Variants in STOML3 observed in about 807,000 individuals in gnomAD.
STOML3 encodes the protein stomatin like 3.
Under a neutral mutation model 29.5 loss-of-function variants are expected in STOML3, and 31 were observed. The ratio of observed to expected loss-of-function variants is 1.05; its 90% confidence interval spans 0.79 to 1.42. The LOEUF (loss-of-function observed/expected upper bound fraction) is 1.42. Among genes scored for constraint, STOML3 ranks in the 40% most tolerant of loss-of-function variants. STOML3 has a pLI of 0.00. For missense variants in STOML3, 380 were observed against 363.0 expected (o/e 1.05, Z -0.38); for synonymous variants, 122 against 139.8 (o/e 0.87, Z 0.90).
intron 3 of STOML3, among the ~76,000 whole-genome samples, chr13:38,975,579 C>G (rs1420124114): frequency 6.6e-6 from 1 of 152,046 alleles, no homozygotes; most frequent in East Asian, 1.9e-4. Context: ...TAGCTAGTAA[C>G]AATTGCTTTT....
intron 6 of STOML3, among the ~76,000 whole-genome samples, chr13:38,968,158 G>A (rs777156924): frequency 3.3e-4 from 50 of 152,060 alleles, no homozygotes; most frequent in Non-Finnish European, 6.2e-4. Context: ...GGACCTACTT[G>A]GCTAAGTTGC....
At position 38,970,315 on chromosome 13, in the gene STOML3, G is replaced by A. The variant is rs746335980; in HGVS notation, c.386C>T (p.Ala129Val). Reference protein sequence around the residue: ...VYYRIYSAVSAVANVNDVHQA... With the variant: ...VYYRIYSAVSVVANVNDVHQA... ...ATGGACATCGTTGACATTAGCCACT[G>A]CTGAGACAGCACTATAGATTCTGTA... The change falls in exon 5 of 7, where the codon GCA becomes GTA. Residue 129 changes from alanine to valine, a missense_variant. Physicochemically the swap from Ala to Val is moderately conservative, Grantham distance 64. Coordinates refer to ENST00000379631, the MANE Select transcript of STOML3 (RefSeq NM_145286.3). 9.9e-6 allele frequency: 16 copies of A among 1,614,172 alleles called. No homozygotes were observed. The East Asian group carries it at 3.6e-4, about 36-fold the overall frequency.
intron 1 of STOML3, chr13:38,980,119 A>G (rs780258325): frequency 6.4e-7 from 1 of 1,551,548 alleles, no homozygotes; most frequent in African/African-American, 1.4e-5. Context: ...GCTCAGCTCC[A>G]TTAGGTAATA....
chr13:38,990,392 A>G (rs1221747242), intron 1 of STOML3, among the ~76,000 whole-genome samples: 1 of 152,184 alleles, frequency 6.6e-6, no homozygotes, highest in African/African-American at 2.4e-5. Context: ...CAATGAATTC[A>G]AAATCCTGAG....
intron 1 of STOML3, among the ~76,000 whole-genome samples, chr13:38,984,477 C>T (rs1418171352): frequency 2.0e-5 from 3 of 152,116 alleles, no homozygotes; most frequent in South Asian, 2.1e-4. Flanking sequence ...ACCATATATA[C>T]GATGGTGGTC....
At chr13:38,983,812 T>C (rs1009191932) in intron 1 of STOML3, among the ~76,000 whole-genome samples, 10 of 152,204 alleles carry the variant, frequency 6.6e-5, no homozygotes, top group Non-Finnish European at 1.5e-4. Context: ...TTACAACACA[T>C]TATCTACTGT....
intron 4 of STOML3, among the ~76,000 whole-genome samples, chr13:38,971,021 CT>C (rs1161891645): frequency 6.6e-6 from 1 of 151,800 alleles, no homozygotes; most frequent in Non-Finnish European, 1.5e-5. Flanking sequence ...CCTCTCCTGA[CT>C]GCAGCTGAAT....
At chr13:38,969,418 G>A (rs1469553591) in intron 5 of STOML3, among the ~76,000 whole-genome samples, 1 of 152,136 alleles carries the variant, frequency 6.6e-6, no homozygotes, top group East Asian at 1.9e-4. Context: ...CTGTGGATGG[G>A]ATACCTTTGA....
At chr13:38,981,384 G>A (rs1432866475) in intron 1 of STOML3, among the ~76,000 whole-genome samples, 4 of 152,088 alleles carry the variant, frequency 2.6e-5, no homozygotes, top group African/African-American at 9.7e-5. Flanking sequence ...CAACACTCAA[G>A]GCAAGATTGG....
chr13:38,967,946 A>G (rs1402558101), intron 6 of STOML3, among the ~76,000 whole-genome samples: 2 of 152,150 alleles, frequency 1.3e-5, no homozygotes, highest in Non-Finnish European at 2.9e-5. Flanking sequence ...TATTCCAGCA[A>G]CGTTTAATAT....
Position 38,987,430 on chromosome 13 carries a change from T to C in STOML3, c.52+3240A>G, listed in dbSNP as rs189902806. ...TCCCAGCTACTCAGGAGGCTGAGGT[T>C]GCAGTGAGCTGAGATTGCACCACTC... On this transcript the variant is annotated intron_variant, in intron 1 of 6. Transcript: ENST00000379631. 2.0e-3 allele frequency among the ~76,000 whole-genome samples: 300 copies of C among 151,864 alleles called. 2 individuals are homozygous for C. Among genetic ancestry groups the C allele is most frequent in the African/African-American group, 7.0e-3 (291 of 41,434 alleles).
intron 1 of STOML3, among the ~76,000 whole-genome samples, chr13:38,989,310 G>A (rs1868901281): frequency 6.6e-6 from 1 of 151,912 alleles, no homozygotes; most frequent in African/African-American, 2.4e-5. Context: ...CCCAGTTGAT[G>A]TCTTCACCTG....
At chr13:38,990,545 A>C in intron 1 of STOML3, 125 bp downstream of exon 1, 1 of 836,298 alleles carries the variant, frequency 1.2e-6, no homozygotes, top group Non-Finnish European at 1.8e-6. Flanking sequence ...CCTGGGCTAT[A>C]AATGAAATTG....
intron 1 of STOML3, among the ~76,000 whole-genome samples, chr13:38,987,959 T>A (rs1366516409): frequency 2.0e-4 from 17 of 85,784 alleles, no homozygotes; most frequent in African/African-American, 7.4e-4. Context: ...TATTATATTT[T>A]ATATAATATA....
chr13:38,967,455 T>C (rs141771940), intron 6 of STOML3, among the ~76,000 whole-genome samples: 1 of 152,344 alleles, frequency 6.6e-6, no homozygotes, highest in Non-Finnish European at 1.5e-5. Context: ...CTTAGATGTT[T>C]TTAAGTTCAT....
intron 1 of STOML3, among the ~76,000 whole-genome samples, chr13:38,980,365 C>A (rs540843692): frequency 1.3e-5 from 2 of 152,272 alleles, no homozygotes; most frequent in East Asian, 3.9e-4. Flanking sequence ...CTCTTCCTGG[C>A]AGCCTTTCTC....
intron 1 of STOML3, among the ~76,000 whole-genome samples, chr13:38,986,811 C>T (rs1868589564): frequency 6.6e-6 from 1 of 152,116 alleles, no homozygotes; most frequent in Non-Finnish European, 1.5e-5. Context: ...AACCAGCTCA[C>T]AGGAGCTGGT....
chr13:38,977,861 G>T (rs1009433185), intron 1 of STOML3, among the ~76,000 whole-genome samples: 1 of 144,338 alleles, frequency 6.9e-6, no homozygotes, highest in Non-Finnish European at 1.5e-5. Flanking sequence ...CCGGGTTCGC[G>T]CCATTCTCCT....
At chr13:38,971,452 T>C (rs987259967) in intron 4 of STOML3, among the ~76,000 whole-genome samples, 4 of 152,224 alleles carry the variant, frequency 2.6e-5, no homozygotes, top group Admixed American at 2.0e-4. Flanking sequence ...TTTATAAATG[T>C]TGATTTTCGT....
Sources: allele counts gnomAD v4.1 joint callset (sites outside exome capture counted in the v4.1 genomes callset), GRCh38; gene constraint gnomAD v4.1.1; transcripts MANE v1.5; gene names NCBI Gene and HGNC (gene_info 2026-07-23, HGNC 2026-07-21).